PLXNB1: variants seen among roughly 807,000 people sequenced by gnomAD.
The protein encoded by PLXNB1 is plexin B1, also known as plexin-B1.
PLXNB1 carries 106 observed loss-of-function variants against 209.4 expected under a neutral mutation model. That is an observed-to-expected ratio of 0.51 (90% CI 0.43 to 0.59). The LOEUF (loss-of-function observed/expected upper bound fraction) is 0.59. Ranked by LOEUF, PLXNB1 falls within the 20% of genes least tolerant of loss-of-function variation. The probability of loss-of-function intolerance (pLI) is 0.00; values close to 1 mark genes in which losing one functional copy is unlikely to be tolerated. For synonymous variants in PLXNB1, 1,167 were observed against 1,183.2 expected, an observed-to-expected ratio of 0.99 and a Z score of 0.28; for missense variants, 2,357 against 2,853.2, an observed-to-expected ratio of 0.83 and a Z score of 3.96.
chr3:48,425,976 T>C (rs1315700848), intron 1 of PLXNB1, among the ~76,000 whole-genome samples: 2 of 152,078 alleles, frequency 1.3e-5, no homozygotes, highest in East Asian at 3.9e-4. Context: ...CAGGCACATA[T>C]GTCACACTCA....
rs765174256 is a variant in PLXNB1 at position 48,423,608 on chromosome 3, C to T, written c.1004G>A (p.Arg335His). The change falls in exon 3 of 38, where the codon CGC becomes CAC. Residue 335 changes from arginine (R) to histidine (H), a missense_variant. Arg to His is a conservative substitution (Grantham distance 29, BLOSUM62 0). Transcript: ENST00000296440. Reference sequence around the variant, plus strand: ...CCGGGTGTAGCAGGCATCTCGCGTGCGATTAGCAAGCCGGTCCACCTCATC... The same window carrying T: ...CCGGGTGTAGCAGGCATCTCGCGTGTGATTAGCAAGCCGGTCCACCTCATC... ...PLDEVDRLANRTRDACYTREG... is the reference protein window; with the variant it reads ...PLDEVDRLANHTRDACYTREG... 1.5e-5 allele frequency: 24 copies of T among 1,614,076 alleles called. No individual in the cohort carries two copies. The highest frequency in any genetic ancestry group is 1.6e-4 in the Middle Eastern group (1 of 6,084).
chr3:48,412,030 AG>A (rs1322198414), intron 27 of PLXNB1, 21 bp from the exon 28 acceptor site: 1 of 1,613,388 alleles, frequency 6.2e-7, no homozygotes, highest in Non-Finnish European at 8.5e-7. Flanking sequence ...ACAGGCAGTT[AG>A]GGCCCCCCAG....
At position 48,410,461 on chromosome 3, in the gene PLXNB1, A is replaced by C; in HGVS notation, c.5514T>G (p.His1838Gln). Residue 1838 changes from histidine to glutamine, a missense_variant, in exon 30 of 38, where the codon CAT (histidine) becomes CAG (glutamine). By Grantham distance (24) the His-to-Gln change is conservative. Transcript: ENST00000296440. This position sits in a 1 kb window ranked among gnomAD's most constrained non-coding sequence, Gnocchi z 6.4. ...GLWRRLNTLQ[H>Q]YKVPDGATVA... ...CAGCTCCCACTCCTCCTACCTTGTA[A>C]TGCTGCAGTGTGTTCAGGCGCCTCC... 6.2e-7 allele frequency: 1 copy of C among 1,613,644 alleles called. No homozygotes were observed. The highest frequency in any genetic ancestry group is 1.1e-5 in the South Asian group (1 of 91,062).
intron 34 of PLXNB1, among the ~76,000 whole-genome samples, chr3:48,408,417 CAG>C (rs1370008044): frequency 6.6e-6 from 1 of 152,210 alleles, no homozygotes; most frequent in Non-Finnish European, 1.5e-5. Flanking sequence ...CATGGACCTG[CAG>C]AGTCACACGA....
intron 1 of PLXNB1, among the ~76,000 whole-genome samples, chr3:48,425,703 GCCA>G (rs2038850200): frequency 6.6e-6 from 1 of 152,098 alleles, no homozygotes; most frequent in Non-Finnish European, 1.5e-5. Flanking sequence ...CCTCTACACA[GCCA>G]GGGGCTGTCC....
intron 34 of PLXNB1, among the ~76,000 whole-genome samples, chr3:48,408,251 C>T (rs957517905): frequency 1.1e-4 from 17 of 152,228 alleles, no homozygotes; most frequent in East Asian, 9.7e-4. Flanking sequence ...GCTCCTCAGG[C>T]GATCTGCCCA....
At chr3:48,428,592 G>A (rs2039015358) in intron 1 of PLXNB1, among the ~76,000 whole-genome samples, 1 of 152,212 alleles carries the variant, frequency 6.6e-6, no homozygotes, top group Admixed American at 6.5e-5. Flanking sequence ...TTGCCTGCCA[G>A]TTAGTGGGAA....
chr3:48,410,489 A>T lies in PLXNB1; in HGVS notation c.5486T>A (p.Leu1829Gln). 1 of 1,613,970 alleles carries T rather than the reference A, an allele frequency of 6.2e-7. No homozygotes were observed. The highest frequency in any genetic ancestry group is 8.5e-7 in the Non-Finnish European group (1 of 1,179,992). ...CTGCAGTGTGTTCAGGCGCCTCCAC[A>T]GACCCTGGACCTCAGAAGTGACATC... Reference protein sequence around the residue: ...DEDVTSEVQGLWRRLNTLQHY... With the variant: ...DEDVTSEVQGQWRRLNTLQHY... The change falls in exon 30 of 38, where the codon CTG (leucine) becomes CAG (glutamine). Residue 1829 changes from leucine to glutamine, a missense_variant. Physicochemically the swap from Leu to Gln is moderately radical, Grantham distance 113. Around this residue, in one of 7 missense-constraint regions of PLXNB1, gnomAD observed 414 missense variants for 520.5 expected, o/e 0.80. Coordinates refer to ENST00000296440, the MANE Select transcript of PLXNB1 (RefSeq NM_001130082.3). This position sits in a 1 kb window ranked among gnomAD's most constrained non-coding sequence, Gnocchi z 6.4.
chr3:48,424,744 G>A, intron 2 of PLXNB1, 127 bp from the exon 3 acceptor site: 1 of 961,582 alleles, frequency 1.0e-6, no homozygotes, highest in Non-Finnish European at 1.5e-6. Context: ...GAGCAGAGGA[G>A]GACCAGGCTT....
chr3:48,404,863 G>A (rs986892887), intron 37 of PLXNB1, among the ~76,000 whole-genome samples: 2 of 152,152 alleles, frequency 1.3e-5, no homozygotes, highest in Admixed American at 1.3e-4. Context: ...CAGCCATCCT[G>A]GCTAACCCAC....
intron 1 of PLXNB1, among the ~76,000 whole-genome samples, chr3:48,428,081 TAC>T (rs1276532275): frequency 1.3e-5 from 2 of 152,100 alleles, no homozygotes; most frequent in African/African-American, 4.8e-5. Flanking sequence ...CCCAGCAACT[TAC>T]ACAGACTTCA....
chr3:48,421,452 A>C, intron 7 of PLXNB1, 68 bp from the exon 8 acceptor site: 4 of 1,473,436 alleles, frequency 2.7e-6, no homozygotes, highest in Non-Finnish European at 3.6e-6. Context: ...CATTTATGGG[A>C]CACCCAATGT....
In PLXNB1 at chr3:48,415,103, C is replaced by T; in HGVS notation, c.3967-62G>A. 1 of 1,606,518 alleles carries T rather than the reference C, an allele frequency of 6.2e-7. No individual in the cohort carries two copies. The highest frequency in any genetic ancestry group is 1.7e-4 in the Middle Eastern group (1 of 6,040). On this transcript the variant is annotated intron_variant, in intron 20 of 37. Coordinates refer to ENST00000296440, the MANE Select transcript of PLXNB1 (RefSeq NM_001130082.3). This position sits in a 1 kb window ranked among gnomAD's most constrained non-coding sequence, Gnocchi z 5.0. The stretch of plus-strand genomic sequence containing the variant: ...CAAAGATGGGAAGAGCCTCCTCTGG[C>T]ACCTGCTCTGGCTGTCCCCAGGGTG...
Position 48,404,306 on chromosome 3 carries a change from C to T in PLXNB1, c.*180G>A. ...GGTACTACCCCATGAGCCTTGAGGC[C>T]CCGGGTCTAGGAGGTGGATCCAGCA... On this transcript the variant is annotated 3_prime_UTR_variant, in exon 38 of 38. Coordinates refer to ENST00000296440, the MANE Select transcript of PLXNB1 (RefSeq NM_001130082.3). 1 of 582,720 alleles carries T rather than the reference C, an allele frequency of 1.7e-6. No homozygotes were observed. The highest frequency in any genetic ancestry group is 3.0e-6 in the Non-Finnish European group (1 of 328,242). The allele number at this position is 582,720 out of a possible 1,614,324, so 36.1% of individuals were successfully genotyped here. A position where few individuals can be genotyped will look rare whatever the true frequency, so the allele number is the denominator to read the frequency against.
At position 48,415,945 on chromosome 3, in the gene PLXNB1, C is replaced by T. The variant is rs2038064050; in HGVS notation, c.3617+86G>A. ...TGAAGGAGCAGACTGGCCCTCTTCCCCTTTCTGCTCTCCCCAGGATCTCAG... is the reference window on the plus strand; with the variant it reads ...TGAAGGAGCAGACTGGCCCTCTTCCTCTTTCTGCTCTCCCCAGGATCTCAG... On this transcript the variant is annotated intron_variant, in intron 18 of 37. Coordinates refer to ENST00000296440, the MANE Select transcript of PLXNB1 (RefSeq NM_001130082.3). This position sits in a 1 kb window ranked among gnomAD's most constrained non-coding sequence, Gnocchi z 5.0. The T allele has an allele frequency of 2.0e-6, 3 of 1,479,074 alleles. No individual in the cohort carries two copies. The allele number at this position is 1,479,074 out of a possible 1,614,324, so 91.6% of individuals were successfully genotyped here.
chr3:48,410,843 C>A lies in PLXNB1; in HGVS notation c.5416+25G>T, dbSNP rs1338492349. 15 of 1,594,266 alleles carry A rather than the reference C, an allele frequency of 9.4e-6. No individual in the cohort carries two copies. Among genetic ancestry groups the A allele is most frequent in the Middle Eastern group, 1.8e-4 (1 of 5,410 alleles). ...GCCCAGGCCCAACAGTGGCTCAGGT[C>A]CCCAGGGGCTCTCCACGCCCTCACC... On this transcript the variant is annotated intron_variant, in intron 29 of 37. Coordinates refer to ENST00000296440, the MANE Select transcript of PLXNB1 (RefSeq NM_001130082.3). The surrounding 1 kb of genome is among the most constrained non-coding windows in gnomAD (Gnocchi z 6.4).
rs1241293724 is a variant in PLXNB1, at chr3:48,410,281, G to A, written c.5605+15C>T. The A allele has an allele frequency of 6.3e-6, 10 of 1,585,044 alleles. No homozygotes were observed. The highest frequency in any genetic ancestry group is 8.6e-6 in the Non-Finnish European group (10 of 1,160,804). On this transcript the variant is annotated intron_variant, in intron 31 of 37. Transcript: ENST00000296440. The surrounding 1 kb of genome is among the most constrained non-coding windows in gnomAD (Gnocchi z 6.4). Reference sequence around the variant, plus strand: ...CACAGCAGGGGCAGAGGACCGTGATGGGAGCGGTACTCACGCTCTCCAGGG... The same window carrying A: ...CACAGCAGGGGCAGAGGACCGTGATAGGAGCGGTACTCACGCTCTCCAGGG...
chr3:48,413,224 C>A lies in PLXNB1; in HGVS notation c.4536-55G>T. 1 of 1,395,910 alleles carries A rather than the reference C, an allele frequency of 7.2e-7. No homozygotes were observed. Among genetic ancestry groups the A allele is most frequent in the Non-Finnish European group, 1.0e-6 (1 of 992,618 alleles). 86.5% of individuals were successfully genotyped at this position (1,395,910 alleles called of 1,614,324 possible). A position where few individuals can be genotyped will look rare whatever the true frequency, so the allele number is the denominator to read the frequency against. On this transcript the variant is annotated intron_variant, in intron 23 of 37. Transcript: ENST00000296440. The surrounding 1 kb of genome is among the most constrained non-coding windows in gnomAD (Gnocchi z 5.4). ...GCCAGATGAGTCCTACTCGCCCAGG[C>A]CTGCCTGACAATCCCCAGGCACACC...
chr3:48,416,282 G>C lies in PLXNB1; in HGVS notation c.3480+64C>G. On this transcript the variant is annotated intron_variant, in intron 17 of 37. Transcript: ENST00000296440. This position sits in a 1 kb window ranked among gnomAD's most constrained non-coding sequence, Gnocchi z 4.1. ...GCCCCACCAAGGAATAACCAGATGG[G>C]TTGAGAGGAGCCACCAGAGAGGTTG... is the stretch of plus-strand genomic sequence containing the variant. The C allele has an allele frequency of 1.3e-6, 2 of 1,559,320 alleles. No individual in the cohort carries two copies. The highest frequency in any genetic ancestry group is 2.3e-5 in the South Asian group (2 of 87,884).
Sources: allele counts gnomAD v4.1 joint callset (sites outside exome capture counted in the v4.1 genomes callset), GRCh38; gene constraint gnomAD v4.1.1; regional missense constraint gnomAD v4.1.1; non-coding constraint Gnocchi (gnomAD v3.1); transcripts MANE v1.5; gene names NCBI Gene and HGNC (gene_info 2026-07-23, HGNC 2026-07-21).